Variants in CRIM1 observed in about 807,000 individuals in gnomAD.
CRIM1 encodes the protein cysteine-rich motor neuron 1 protein.
Under a neutral mutation model 116.4 loss-of-function variants are expected in CRIM1, and 32 were observed. The ratio of observed to expected loss-of-function variants is 0.27; its 90% CI spans 0.21 to 0.37. The LOEUF is 0.37. CRIM1 is among the 10% of genes least tolerant of loss of function. The probability of loss-of-function intolerance (pLI) is 1.00; values close to 1 mark genes in which losing one functional copy is unlikely to be tolerated. For synonymous variants in CRIM1, 590 were observed against 509.2 expected (o/e 1.16, Z -2.13); for missense variants, 1,331 against 1,354.8 (o/e 0.98, Z 0.28).
rs543818345 is a variant in CRIM1, at chr2:36,397,467, A to G, written c.505+680A>G. On this transcript the variant is annotated intron_variant, in intron 2 of 16. Transcript: ENST00000280527. The stretch of plus-strand genomic sequence containing the variant: ...AGCTTGGTGCCATGGCTCATAGCCA[A>G]AAGGGGTAAAGCCTGGGTTTGGGTC... 3.9e-5 allele frequency among the ~76,000 whole-genome samples: 6 copies of G among 152,288 alleles called. No homozygotes were observed. In the South Asian group the frequency reaches 6.2e-4, roughly 16 times the overall value.
At chr2:36,392,039 A>G (rs570451507) in intron 1 of CRIM1, among the ~76,000 whole-genome samples, 1 of 152,312 alleles carries the variant, frequency 6.6e-6, no homozygotes, top group South Asian at 2.1e-4. Flanking sequence ...GTTCTGTGGG[A>G]TGAAATGGGA....
At chr2:36,529,104 A>G (rs1194789614) in intron 13 of CRIM1, 5 of 471,160 alleles carry the variant, frequency 1.1e-5, no homozygotes, top group Middle Eastern at 3.3e-4. Context: ...CTGCACTGCT[A>G]TTTCCAGAGA....
In CRIM1 at chr2:36,442,654, T is replaced by A; in HGVS notation, c.788T>A (p.Val263Asp). The change falls in exon 4 of 17, where the codon GTT becomes GAT. Residue 263 changes from valine (V) to aspartate (D), a missense_variant. This residue lies in a region of CRIM1 where 690 missense variants were observed against 676.0 expected (regional missense o/e 1.02). Coordinates refer to ENST00000280527, the MANE Select transcript of CRIM1 (RefSeq NM_016441.3). Reference sequence around the variant, plus strand: ...TGCAGGACTGTGGAATGCCCTCCTGTTCAGCAGACCGCGTGTCCCCCGGAC... The same window carrying A: ...TGCAGGACTGTGGAATGCCCTCCTGATCAGCAGACCGCGTGTCCCCCGGAC... The part of the protein sequence containing the change: ...VDCRTVECPP[V>D]QQTACPPDSY... 1 of 1,614,192 alleles carries A rather than the reference T, an allele frequency of 6.2e-7. No individual in the cohort carries two copies. The highest frequency in any genetic ancestry group is 8.5e-7 in the Non-Finnish European group (1 of 1,180,016).
intron 7 of CRIM1, among the ~76,000 whole-genome samples, chr2:36,481,575 G>T (rs771764248): frequency 6.6e-6 from 1 of 152,194 alleles, no homozygotes; most frequent in Non-Finnish European, 1.5e-5. Context: ...CCAGAAGAAA[G>T]GGAATGTCCC....
chr2:36,415,256 C>T (rs147052100), intron 2 of CRIM1, among the ~76,000 whole-genome samples: 1 of 152,234 alleles, frequency 6.6e-6, no homozygotes, highest in East Asian at 1.9e-4. Context: ...TCAAAATTAC[C>T]TGCTTGAGAA....
chr2:36,433,747 G>A (rs190522690), intron 2 of CRIM1, among the ~76,000 whole-genome samples: 99 of 152,252 alleles, frequency 6.5e-4, no homozygotes, highest in African/African-American at 2.2e-3. Flanking sequence ...AAGAAATCAC[G>A]TTACAGTCTT....
At chr2:36,372,426 T>G (rs1670005431) in intron 1 of CRIM1, among the ~76,000 whole-genome samples, 1 of 152,124 alleles carries the variant, frequency 6.6e-6, no homozygotes, top group South Asian at 2.1e-4. Flanking sequence ...TTTCTAAAGG[T>G]TTTAAGGAGG....
chr2:36,512,252 G>T (rs150637747), intron 9 of CRIM1, 21 bp from the exon 10 acceptor site: 6 of 1,608,140 alleles, frequency 3.7e-6, no homozygotes, highest in Non-Finnish European at 5.1e-6. Context: ...TCTGACCTCT[G>T]ACAAAATTTT....
At chr2:36,525,367 C>T (rs2125137446) in intron 13 of CRIM1, among the ~76,000 whole-genome samples, 1 of 152,284 alleles carries the variant, frequency 6.6e-6, no homozygotes, top group Middle Eastern at 3.4e-3. Context: ...CTCTTATCAA[C>T]TAAGAAGTCC....
Position 36,514,411 on chromosome 2 carries a change from G to A in CRIM1, c.1990+646G>A, listed in dbSNP as rs562213523. ...TATAACCATAAACTTCATCTAGTACGTTTTATCCAAAGAGCTCAACACAGT... is the reference window on the plus strand; with the variant it reads ...TATAACCATAAACTTCATCTAGTACATTTTATCCAAAGAGCTCAACACAGT... On this transcript the variant is annotated intron_variant, in intron 11 of 16. Coordinates refer to ENST00000280527, the MANE Select transcript of CRIM1 (RefSeq NM_016441.3). 2.6e-5 allele frequency among the ~76,000 whole-genome samples: 4 copies of A among 152,238 alleles called. No homozygotes were observed. The South Asian group carries it at 8.3e-4, about 32-fold the overall frequency.
chr2:36,392,970 G>A (rs1444901194), intron 1 of CRIM1, among the ~76,000 whole-genome samples: 2 of 152,228 alleles, frequency 1.3e-5, no homozygotes, highest in African/African-American at 4.8e-5. Context: ...GTCTGCTGCT[G>A]CTGCCAGGAA....
At chr2:36,412,511 C>G (rs1279258079) in intron 2 of CRIM1, among the ~76,000 whole-genome samples, 5 of 152,066 alleles carry the variant, frequency 3.3e-5, no homozygotes, top group Admixed American at 3.3e-4. Context: ...TGTCACTGTT[C>G]AGTTCAGAGG....
At chr2:36,506,296 C>T (rs773731376) in intron 8 of CRIM1, among the ~76,000 whole-genome samples, 1 of 152,106 alleles carries the variant, frequency 6.6e-6, no homozygotes, top group Non-Finnish European at 1.5e-5. Context: ...AGAAAACCCA[C>T]ACAGCATGAG....
At position 36,510,703 on chromosome 2, in the gene CRIM1, A is replaced by G. The variant is rs564654496; in HGVS notation, c.1658+564A>G. 5.3e-5 allele frequency among the ~76,000 whole-genome samples: 8 copies of G among 152,082 alleles called. 1 individual carries two copies. Among genetic ancestry groups the G allele is most frequent in the African/African-American group, 1.9e-4 (8 of 41,458 alleles). ...TTACTTTTATTTTTTAATATACTTT[A>G]TTGAGTCAAACCCCATGAGAATCTA... On this transcript the variant is annotated intron_variant, in intron 9 of 16. Coordinates refer to ENST00000280527, the MANE Select transcript of CRIM1 (RefSeq NM_016441.3).
chr2:36,387,332 A>G (rs565333609), intron 1 of CRIM1, among the ~76,000 whole-genome samples: 12 of 152,316 alleles, frequency 7.9e-5, no homozygotes, highest in African/African-American at 2.9e-4. Flanking sequence ...CTCAACCAAG[A>G]TTTATTAATT....
chr2:36,419,165 T>C (rs886662773), intron 2 of CRIM1, among the ~76,000 whole-genome samples: 7 of 152,212 alleles, frequency 4.6e-5, no homozygotes. Flanking sequence ...GAGGGAGGTG[T>C]CCTAAGGTTT....
chr2:36,388,106 A>G (rs1011085322), intron 1 of CRIM1, among the ~76,000 whole-genome samples: 1 of 152,144 alleles, frequency 6.6e-6, no homozygotes, highest in African/African-American at 2.4e-5. Flanking sequence ...TCACATTAAA[A>G]AATCTTTTTA....
At chr2:36,372,293 A>G (rs1054477226) in intron 1 of CRIM1, among the ~76,000 whole-genome samples, 7 of 152,202 alleles carry the variant, frequency 4.6e-5, no homozygotes, top group African/African-American at 1.4e-4. Flanking sequence ...TCCAAACCCT[A>G]TGACTTCAGA....
chr2:36,527,148 A>G (rs551793455), intron 13 of CRIM1, among the ~76,000 whole-genome samples: 2 of 151,006 alleles, frequency 1.3e-5, no homozygotes, highest in Admixed American at 1.3e-4. Context: ...TGTTTATTAT[A>G]TATAATATAA....
Sources: allele counts gnomAD v4.1 joint callset (sites outside exome capture counted in the v4.1 genomes callset), GRCh38; gene constraint gnomAD v4.1.1; regional missense constraint gnomAD v4.1.1; transcripts MANE v1.5; gene names NCBI Gene and HGNC (gene_info 2026-07-23, HGNC 2026-07-21).